Variants in TMC6 observed in about 807,000 individuals in gnomAD.
TMC6 encodes transmembrane channel-like protein 6.
In TMC6, 71 loss-of-function variants were observed where a neutral mutation model predicts 95.4. That is an observed-to-expected ratio of 0.74 (90% CI 0.61 to 0.91). TMC6 has a LOEUF of 0.91. TMC6 is among the 40% of genes least tolerant of loss of function. The pLI, the probability that TMC6 is intolerant of heterozygous loss-of-function variation, is 0.00. For missense variants in TMC6, 1,074 were observed against 1,079.1 expected (o/e 1.00, Z 0.07); for synonymous variants, 514 against 483.1 (o/e 1.06, Z -0.84).
chr17:78,132,302 A>G, upstream of TMC6: 3 of 1,600,392 alleles, frequency 1.9e-6, no homozygotes, highest in Admixed American at 3.4e-5. Context: ...TTGGACTCTC[A>G]GCGCGGCCCC....
upstream of TMC6, chr17:78,131,818 T>C: frequency 6.6e-7 from 1 of 1,506,186 alleles, no homozygotes; most frequent in Non-Finnish European, 8.9e-7. Context: ...GAGCACCCCG[T>C]CTGCTTGGCC....
chr17:78,129,054 T>C (rs2074889909), upstream of TMC6, among the ~76,000 whole-genome samples: 3 of 150,794 alleles, frequency 2.0e-5, no homozygotes, highest in South Asian at 6.3e-4. The surrounding 1 kb of genome is among the most constrained non-coding windows in gnomAD (Gnocchi z 4.3). Context: ...TTAGGGATCG[T>C]CCAAGTAAGA....
chr17:78,119,479 C>G lies in TMC6; in HGVS notation c.1716-87G>C, dbSNP rs559511948. On this transcript the variant is annotated intron_variant, in intron 13 of 19. Coordinates refer to ENST00000590602, the MANE Select transcript of TMC6 (RefSeq NM_001127198.5). Reference sequence around the variant, plus strand: ...TCCCCACACCCAGAGGCACCCCGCCCCCAGCCAGGGGACATCCTGGCCGTT... The same window carrying G: ...TCCCCACACCCAGAGGCACCCCGCCGCCAGCCAGGGGACATCCTGGCCGTT... 3 of 1,352,134 alleles carry G rather than the reference C, an allele frequency of 2.2e-6. No homozygotes were observed. The African/African-American group carries it at 4.3e-5, about 19-fold the overall frequency. The allele number at this position is 1,352,134 out of a possible 1,614,324, so 83.8% of individuals were successfully genotyped here.
At chr17:78,113,994 G>T in intron 18 of TMC6, 1 of 343,822 alleles carries the variant, frequency 2.9e-6, no homozygotes, top group Non-Finnish European at 5.7e-6. Flanking sequence ...AAGGCACAGG[G>T]TTTACATTAG....
rs902302145 is a variant in TMC6 at position 78,108,259 on chromosome 17, C to T, written c.*4889G>A. 10 of 154,442 alleles carry T rather than the reference C, an allele frequency of 6.5e-5. No homozygotes were observed. Among genetic ancestry groups the T allele is most frequent in the African/African-American group, 2.4e-4 (10 of 41,520 alleles). 9.6% of individuals were successfully genotyped at this position (154,442 alleles called of 1,614,324 possible). A position where few individuals can be genotyped will look rare whatever the true frequency, so the allele number is the denominator to read the frequency against. On this transcript the variant is annotated 3_prime_UTR_variant, in exon 20 of 20. Transcript: ENST00000590602. ...ACCCCCGCCACAGGCTGGCCCCCCCCCACCCATGGGGAAGGTGGTGTGCTG... is the reference window on the plus strand; with the variant it reads ...ACCCCCGCCACAGGCTGGCCCCCCCTCACCCATGGGGAAGGTGGTGTGCTG...
Position 78,111,804 on chromosome 17 carries a change from T to C in TMC6, c.*1344A>G. The C allele has an allele frequency of 4.9e-6, 1 of 203,140 alleles. No individual in the cohort carries two copies. The highest frequency in any genetic ancestry group is 6.0e-5 in the South Asian group (1 of 16,794). 12.6% of individuals were successfully genotyped at this position (203,140 alleles called of 1,614,324 possible). ...TCTTTGACCATTTCCCCACCTGGGT[T>C]CATTCCCCCAATCCCAAGCGCAGCT... On this transcript the variant is annotated 3_prime_UTR_variant, in exon 20 of 20. Transcript: ENST00000590602.
intron 18 of TMC6, 68 bp from the exon 19 acceptor site, chr17:78,113,692 A>C: frequency 6.5e-7 from 1 of 1,545,754 alleles, no homozygotes; most frequent in Non-Finnish European, 8.9e-7. Context: ...ATCCTGTTCC[A>C]AACTGCATTT....
intron 18 of TMC6, among the ~76,000 whole-genome samples, chr17:78,117,043 C>A (rs1263942502): frequency 6.6e-6 from 1 of 152,232 alleles, no homozygotes; most frequent in Non-Finnish European, 1.5e-5. Context: ...GAGCCCTGGT[C>A]CCAGTGGGGC....
Position 78,108,779 on chromosome 17 carries a change from G to A in TMC6, c.*4369C>T, listed in dbSNP as rs1401300045. 6.6e-6 allele frequency: 1 copy of A among 152,388 alleles called. No individual in the cohort carries two copies. Among genetic ancestry groups the A allele is most frequent in the African/African-American group, 2.4e-5 (1 of 41,444 alleles). 9.4% of individuals were successfully genotyped at this position (152,388 alleles called of 1,614,324 possible). ...AACAGGTTCTTCACCTGCATCTGTG[G>A]ATATATATTTTTTTAAGTTTATTAA... is the stretch of plus-strand genomic sequence containing the variant. On this transcript the variant is annotated 3_prime_UTR_variant, in exon 20 of 20. Transcript: ENST00000590602.
At position 78,117,875 on chromosome 17, in the gene TMC6, T is replaced by C; in HGVS notation, c.1948A>G (p.Thr650Ala). Residue 650 changes from threonine (T) to alanine (A), a missense_variant, in exon 16 of 20, where the codon ACC (threonine) becomes GCC (alanine). Physicochemically the swap from Thr to Ala is moderately conservative, Grantham distance 58. Transcript: ENST00000590602. ...AAGCAGAGCAGCGTGAGGAAGACGGTGCTCATGTGTGAGGCCAGCCAGGGC... is the reference window on the plus strand; with the variant it reads ...AAGCAGAGCAGCGTGAGGAAGACGGCGCTCATGTGTGAGGCCAGCCAGGGC... ...RRPWLASHMS[T>A]VFLTLLCFPA... 1 of 1,607,070 alleles carries C rather than the reference T, an allele frequency of 6.2e-7. No individual in the cohort carries two copies. Among genetic ancestry groups the C allele is most frequent in the African/African-American group, 1.3e-5 (1 of 74,974 alleles).
Position 78,126,886 on chromosome 17 carries a change from C to A in TMC6, c.-54G>T. On this transcript the variant is annotated 5_prime_UTR_variant, in exon 2 of 20. Transcript: ENST00000590602. ...GACCTAGGGTAGCTCAGAGCCTGGG[C>A]GCCACCTCCGGAGCCCCCATCTGAT... 6.3e-7 allele frequency: 1 copy of A among 1,592,976 alleles called. No homozygotes were observed. The highest frequency in any genetic ancestry group is 1.3e-5 in the African/African-American group (1 of 74,328).
rs4789014 is a variant in TMC6, at chr17:78,121,436, G to A, written c.1383+120C>T. The A allele has an allele frequency of 0.079, 120,359 of 1,522,468 alleles. 5,179 individuals carry two copies. The highest frequency in any genetic ancestry group is 0.14 in the Admixed American group (7,495 of 52,476). The allele number at this position is 1,522,468 out of a possible 1,614,324, so 94.3% of individuals were successfully genotyped here. ...GGCCCCAGCACGGGGCACAGCGTAC[G>A]TGGCACCCTGGGCTGGCTGGGTGGA... On this transcript the variant is annotated intron_variant, in intron 11 of 19. Transcript: ENST00000590602. This position sits in a 1 kb window ranked among gnomAD's most constrained non-coding sequence, Gnocchi z 5.6.
chr17:78,126,636 G>A lies in TMC6; in HGVS notation c.69C>T (p.Ser23=), dbSNP rs1374953341. 5.0e-6 allele frequency: 8 copies of A among 1,613,228 alleles called. No homozygotes were observed. Among genetic ancestry groups the A allele is most frequent in the Non-Finnish European group, 6.8e-6 (8 of 1,179,978 alleles). The change falls in exon 3 of 20, where the codon AGC becomes AGT. Residue 23 remains serine (S), a synonymous_variant. Transcript: ENST00000590602. The stretch of plus-strand genomic sequence containing the variant: ...CGTGCACTTCGCTTTCATCATAGGG[G>A]CTGGGGCCCTGGCTGCAGAGGGGGT... ...ETPGDQGQGP[S]PYDESEVHDS... is the part of the protein sequence containing the mutation.
At chr17:78,116,386 C>T (rs562165988) in intron 18 of TMC6, among the ~76,000 whole-genome samples, 1 of 151,918 alleles carries the variant, frequency 6.6e-6, no homozygotes, top group African/African-American at 2.4e-5. Context: ...CAATCTCCTC[C>T]CTCAGCCTCC....
At chr17:78,114,605 A>ACCCACCTGGCCCTACCT (rs2073961395) in intron 18 of TMC6, among the ~76,000 whole-genome samples, 1 of 152,020 alleles carries the variant, frequency 6.6e-6, no homozygotes, top group South Asian at 2.1e-4. Context: ...CCCCGCCCGG[A>ACCCACCTGGCCCTACCT]GCTTCACACA....
rs1022681739 is a variant in TMC6, at chr17:78,109,927, A to G, written c.*3221T>C. The G allele has an allele frequency of 2.5e-5, 6 of 236,788 alleles. No individual in the cohort carries two copies. In the East Asian group the frequency reaches 5.7e-4, roughly 23 times the overall value. 14.7% of individuals were successfully genotyped at this position (236,788 alleles called of 1,614,324 possible). Reference sequence around the variant, plus strand: ...ACTAAAAATACAAAATTAGCTGGGCATGGTAGCACATGCCTGTAATCCCAG... The same window carrying G: ...ACTAAAAATACAAAATTAGCTGGGCGTGGTAGCACATGCCTGTAATCCCAG... On this transcript the variant is annotated 3_prime_UTR_variant, in exon 20 of 20. Coordinates refer to ENST00000590602, the MANE Select transcript of TMC6 (RefSeq NM_001127198.5).
In TMC6 at chr17:78,119,350, C is replaced by T; in HGVS notation, c.1758G>A (p.Glu586=). The part of the protein sequence containing the change: ...EKKLKRRRKP[E]FDIARNVLEL... ...CCAGGACATTCCGGGCAATGTCAAA[C>T]TCCGGCTTCCGCCTCCTCTTCAGCT... The change falls in exon 14 of 20, where the codon GAG becomes GAA. Residue 586 remains glutamate (E), a synonymous_variant. Transcript: ENST00000590602. 6.2e-7 allele frequency: 1 copy of T among 1,614,096 alleles called. No homozygotes were observed.
rs1321334270 is a variant in TMC6, at chr17:78,112,851, G to A, written c.*297C>T. On this transcript the variant is annotated 3_prime_UTR_variant, in exon 20 of 20. Coordinates refer to ENST00000590602, the MANE Select transcript of TMC6 (RefSeq NM_001127198.5). ...CCCAGGACCCAGACCTGCGCCTGGA[G>A]GTGGCCCCAGGGCAGCGGGAAGCAG... 2.5e-5 allele frequency: 12 copies of A among 474,402 alleles called. No homozygotes were observed. Among genetic ancestry groups the A allele is most frequent in the Non-Finnish European group, 4.5e-5 (12 of 266,106 alleles). The allele number at this position is 474,402 out of a possible 1,614,324, so 29.4% of individuals were successfully genotyped here.
At chr17:78,125,946 G>T in intron 4 of TMC6, 62 bp from the exon 5 acceptor site, 1 of 1,546,710 alleles carries the variant, frequency 6.5e-7, no homozygotes. Context: ...CCTCAGGATG[G>T]GCTCACCACA....
Sources: gnomAD v4.1 joint callset for allele counts (sites outside exome capture counted in the v4.1 genomes callset) on GRCh38, gnomAD v4.1.1 for gene constraint, Gnocchi (gnomAD v3.1) non-coding constraint, MANE v1.5 for transcripts, NCBI Gene and HGNC (gene_info 2026-07-23, HGNC 2026-07-21) for gene names.